The following TET2 variants were observed in gnomAD, a reference collection of about 807,000 sequenced individuals.
TET2 encodes the protein tet methylcytosine dioxygenase 2, also known as methylcytosine dioxygenase TET2.
Under a neutral mutation model 142.9 loss-of-function variants are expected in TET2, and 299 were observed. That is an observed-to-expected ratio of 2.09 (90% CI 1.90 to 2.30). The LOEUF (loss-of-function observed/expected upper bound fraction) is 2.30. Ranked by LOEUF, TET2 falls within the 30% of genes most tolerant of loss-of-function variation. TET2 has a pLI of 0.00. For missense variants in TET2, 2,418 were observed against 2,378.0 expected (o/e 1.02, Z -0.35); for synonymous variants, 819 against 849.0 (o/e 0.96, Z 0.61).
At chr4:105,184,547 G>A (rs1725311765) in intron 1 of TET2, among the ~76,000 whole-genome samples, 1 of 152,166 alleles carries the variant, frequency 6.6e-6, no homozygotes, top group African/African-American at 2.4e-5. Flanking sequence ...TATGTTAGGA[G>A]GAGCAGGAAG....
chr4:105,234,436 GT>G lies in TET2; in HGVS notation c.499del (p.Ser167GlnfsTer16), dbSNP rs1560540913. ...AQENAVKDFT[S>X]FSTHNCSGPE... ...GAAAATGCAGTTAAAGATTTCACCAGTTTTTCAACACATAACTGCAGTGGGC... is the reference window on the plus strand; with the variant it reads ...GAAAATGCAGTTAAAGATTTCACCAGTTTTCAACACATAACTGCAGTGGGC... On this transcript the variant is annotated frameshift_variant, in exon 3 of 11. Transcript: ENST00000380013. LOFTEE classifies it high-confidence loss of function. 6.2e-7 allele frequency: 1 copy of G among 1,613,970 alleles called. No homozygotes were observed. The highest frequency in any genetic ancestry group is 8.5e-7 in the Non-Finnish European group (1 of 1,179,994).
At chr4:105,148,859 C>A (rs1307672689) in intron 1 of TET2, among the ~76,000 whole-genome samples, 1 of 152,112 alleles carries the variant, frequency 6.6e-6, no homozygotes, top group Non-Finnish European at 1.5e-5. Flanking sequence ...AGATATTTCT[C>A]CATAAGTCGA....
intron 7 of TET2, among the ~76,000 whole-genome samples, chr4:105,260,478 C>T (rs757986032): frequency 3.3e-5 from 5 of 151,830 alleles, no homozygotes; most frequent in Non-Finnish European, 5.9e-5. Flanking sequence ...AAAAACGAAG[C>T]CATTATAGGT....
chr4:105,203,299 A>G (rs72665931), intron 2 of TET2, among the ~76,000 whole-genome samples: 18,223 of 152,272 alleles, frequency 0.12, 1,270 homozygotes, highest in Non-Finnish European at 0.16. Context: ...ATATAATTAC[A>G]TTAGAATAAA....
intron 1 of TET2, among the ~76,000 whole-genome samples, chr4:105,176,852 C>A (rs1410026861): frequency 6.6e-6 from 1 of 152,166 alleles, no homozygotes; most frequent in South Asian, 2.1e-4. Flanking sequence ...CTGACACTAC[C>A]TGGCTTTAAA....
In TET2 at chr4:105,234,436, G is replaced by A; in HGVS notation, c.494G>A (p.Ser165Asn). The change falls in exon 3 of 11, where the codon AGT becomes AAT. Residue 165 changes from serine to asparagine, a missense_variant. Transcript: ENST00000380013. ...AQENAVKDFT[S>N]FSTHNCSGPE... Reference sequence around the variant, plus strand: ...GAAAATGCAGTTAAAGATTTCACCAGTTTTTCAACACATAACTGCAGTGGG... The same window carrying A: ...GAAAATGCAGTTAAAGATTTCACCAATTTTTCAACACATAACTGCAGTGGG... The A allele has an allele frequency of 6.2e-7, 1 of 1,613,972 alleles. No individual in the cohort carries two copies. Among genetic ancestry groups the A allele is most frequent in the Non-Finnish European group, 8.5e-7 (1 of 1,179,994 alleles).
chr4:105,270,991 T>C (rs1174041418), intron 9 of TET2, among the ~76,000 whole-genome samples: 1 of 152,156 alleles, frequency 6.6e-6, no homozygotes, highest in Non-Finnish European at 1.5e-5. Context: ...AGAGAAGATA[T>C]TAATTTAATG....
chr4:105,148,487 T>C (rs1177272913), intron 1 of TET2, among the ~76,000 whole-genome samples: 1 of 152,206 alleles, frequency 6.6e-6, no homozygotes, highest in African/African-American at 2.4e-5. Context: ...AATTCAAAGA[T>C]ATTCATCAAC....
intron 2 of TET2, among the ~76,000 whole-genome samples, chr4:105,191,987 C>A (rs112584252): frequency 1.7e-3 from 263 of 152,202 alleles, no homozygotes; most frequent in African/African-American, 6.1e-3. Context: ...CTTTACTTTT[C>A]CCCTCCTCCC....
intron 1 of TET2, among the ~76,000 whole-genome samples, chr4:105,189,053 AT>A (rs1725629772): frequency 6.6e-6 from 1 of 152,146 alleles, no homozygotes; most frequent in South Asian, 2.1e-4. Flanking sequence ...CACCCCTTAA[AT>A]TTTAACGTAT....
chr4:105,224,723 T>TCTCTCTCTCTCC (rs1728078797), intron 2 of TET2, among the ~76,000 whole-genome samples: 1 of 150,558 alleles, frequency 6.6e-6, no homozygotes, highest in Admixed American at 6.6e-5. Flanking sequence ...TCTCTCTCTC[T>TCTCTCTCTCTCC]CTCTGTCTCG....
intron 1 of TET2, among the ~76,000 whole-genome samples, chr4:105,179,016 A>G (rs1724968605): frequency 6.6e-6 from 1 of 152,156 alleles, no homozygotes; most frequent in African/African-American, 2.4e-5. Context: ...CGCAGAAGCA[A>G]CTACCAAACA....
At chr4:105,209,093 A>G (rs1468544592) in intron 2 of TET2, among the ~76,000 whole-genome samples, 1 of 118,100 alleles carries the variant, frequency 8.5e-6, no homozygotes, top group African/African-American at 3.5e-5. Flanking sequence ...ATATATATAT[A>G]TATATGTTTG....
In TET2 at chr4:105,279,766, G is replaced by GT. The variant is rs1171754926; in HGVS notation, c.*3252dup. On this transcript the variant is annotated 3_prime_UTR_variant, in exon 11 of 11. Coordinates refer to ENST00000380013, the MANE Select transcript of TET2 (RefSeq NM_001127208.3). ...TCATTCCTGATAATGCTATGTGAGT[G>GT]TTTTTAATAAAATTTATATTTATTT... 1.4e-5 allele frequency: 3 copies of GT among 218,134 alleles called. No individual in the cohort carries two copies. The highest frequency in any genetic ancestry group is 1.8e-5 in the Non-Finnish European group (2 of 108,682). 13.5% of individuals were successfully genotyped at this position (218,134 alleles called of 1,614,324 possible).
At chr4:105,151,317 T>C (rs1444447017) in intron 1 of TET2, among the ~76,000 whole-genome samples, 1 of 152,080 alleles carries the variant, frequency 6.6e-6, no homozygotes, top group Non-Finnish European at 1.5e-5. Context: ...AGAGACCCTA[T>C]CTCAAACAGC....
chr4:105,263,629 G>C (rs916936827), intron 8 of TET2, among the ~76,000 whole-genome samples: 46 of 152,172 alleles, frequency 3.0e-4, no homozygotes, highest in African/African-American at 1.1e-3. Flanking sequence ...AGGTTAATTA[G>C]ATGGAGAATC....
At chr4:105,263,717 G>C (rs945633238) in intron 8 of TET2, among the ~76,000 whole-genome samples, 2 of 152,152 alleles carry the variant, frequency 1.3e-5, no homozygotes, top group African/African-American at 4.8e-5. Flanking sequence ...ACATAGGAAT[G>C]AAAGGAGGTT....
intron 2 of TET2, among the ~76,000 whole-genome samples, chr4:105,200,929 G>T (rs1726425397): frequency 6.6e-6 from 1 of 152,114 alleles, no homozygotes; most frequent in Admixed American, 6.5e-5. Context: ...AAAGTGCTGG[G>T]ATTACAGGCT....
chr4:105,193,655 TAAAAG>T (rs1178484682), intron 2 of TET2, among the ~76,000 whole-genome samples: 6 of 152,254 alleles, frequency 3.9e-5, no homozygotes, highest in South Asian at 2.1e-4. Flanking sequence ...ACGTAAGAGA[TAAAAG>T]AGAGGAGTCA....
Sources: allele counts gnomAD v4.1 joint callset (sites outside exome capture counted in the v4.1 genomes callset), GRCh38; gene constraint gnomAD v4.1.1; transcripts MANE v1.5; gene names NCBI Gene and HGNC (gene_info 2026-07-23, HGNC 2026-07-21).